The following NBPF9 variants were observed in gnomAD, a reference collection of about 807,000 sequenced individuals.
NBPF9 encodes the protein NBPF family member NBPF9.
Under a neutral mutation model 97.8 loss-of-function variants are expected in NBPF9, and 91 were observed. The observed-to-expected ratio is 0.93, with a 90% confidence interval of 0.79 to 1.11. The LOEUF is 1.11. NBPF9 is among the 50% of genes least tolerant of loss of function. The pLI is 0.00. For synonymous variants in NBPF9, 334 were observed against 359.5 expected (o/e 0.93, Z 0.80); for missense variants, 992 against 939.5 (o/e 1.06, Z -0.73).
rs1418804041 is a variant in NBPF9 at position 149,097,837 on chromosome 1, T to C, written c.-337+601A>G. Among the ~76,000 whole-genome samples, 7 of 152,290 alleles carry C rather than the reference T, an allele frequency of 4.6e-5. No homozygotes were observed. In the East Asian group the frequency reaches 1.4e-3, roughly 29 times the overall value. On this transcript the variant is annotated intron_variant, in intron 4 of 29. Transcript: ENST00000584027. ...TCCTGGGGAACCAAGAATTCCACTG[T>C]GGCCCATAAATTCTAAGTCCCACAG...
At chr1:149,080,807 C>A (rs1330790994) in intron 7 of NBPF9, among the ~76,000 whole-genome samples, 1 of 141,440 alleles carries the variant, frequency 7.1e-6, no homozygotes, top group African/African-American at 2.7e-5. Flanking sequence ...ATAGTGTTTA[C>A]ACTGTGCCAA....
Position 149,071,500 on chromosome 1 carries a change from C to A in NBPF9, c.1379+104G>T, listed in dbSNP as rs587724761. 24 of 1,175,696 alleles carry A rather than the reference C, an allele frequency of 2.0e-5. No individual in the cohort carries two copies. The Middle Eastern group carries it at 1.7e-3, about 82-fold the overall frequency. The allele number at this position is 1,175,696 out of a possible 1,614,324, so 72.8% of individuals were successfully genotyped here. The stretch of plus-strand genomic sequence containing the variant: ...TTCAATTTCACATACTGTGGCCAAG[C>A]GAATGCGGGTTTTTGGCCCATCATA... On this transcript the variant is annotated intron_variant, in intron 15 of 29. Coordinates refer to ENST00000584027, the Ensembl canonical transcript of NBPF9.
rs587630207 is a variant in NBPF9 at position 149,069,299 on chromosome 1, C to A, written c.1637+295G>T. 1.5e-4 allele frequency among the ~76,000 whole-genome samples: 23 copies of A among 151,830 alleles called. No individual in the cohort carries two copies. The East Asian group carries it at 4.5e-3, about 30-fold the overall frequency. On this transcript the variant is annotated intron_variant, in intron 17 of 29. Transcript: ENST00000584027. ...AGCAGAACTAAAGGAGATAGAGACG[C>A]AAAAAACCCTTCAAAAAATCAATGA...
Position 149,077,969 on chromosome 1 carries a change from A to G in NBPF9, c.494-14T>C, listed in dbSNP as rs1219299230. On this transcript the variant is annotated splice_polypyrimidine_tract_variant and intron_variant, in intron 9 of 29. Coordinates refer to ENST00000584027, the Ensembl canonical transcript of NBPF9. Reference sequence around the variant, plus strand: ...CTTCGTCATTTTCTAGAAATACAAAATGTTCATTCAGATATTTCCCACTTC... The same window carrying G: ...CTTCGTCATTTTCTAGAAATACAAAGTGTTCATTCAGATATTTCCCACTTC... 2 of 1,586,386 alleles carry G rather than the reference A, an allele frequency of 1.3e-6. No homozygotes were observed. The highest frequency in any genetic ancestry group is 1.7e-6 in the Non-Finnish European group (2 of 1,158,328).
chr1:149,052,409 TG>T (rs1332693299), downstream of NBPF9, among the ~76,000 whole-genome samples: 1 of 151,130 alleles, frequency 6.6e-6, no homozygotes, highest in African/African-American at 2.4e-5. Flanking sequence ...CCAGGACATT[TG>T]GCCAAACATG....
chr1:149,077,416 C>T lies in NBPF9; in HGVS notation c.570G>A (p.Glu190=). ...CTTTGCTCTCTTCAGCCTTCTGCAC[C>T]TCCCTGATGAGCCAGGTGGGACAGA... Residue 190 remains glutamate (E), a synonymous_variant, in exon 11 of 30, where the codon GAG becomes GAA. Coordinates refer to ENST00000584027, the Ensembl canonical transcript of NBPF9. 4 of 1,609,474 alleles carry T rather than the reference C, an allele frequency of 2.5e-6. No individual in the cohort carries two copies. In the South Asian group the frequency reaches 3.3e-5, roughly 13 times the overall value.
At chr1:149,076,461 T>G (rs1290280464) in intron 11 of NBPF9, among the ~76,000 whole-genome samples, 1 of 150,540 alleles carries the variant, frequency 6.6e-6, no homozygotes, top group Non-Finnish European at 1.5e-5. Flanking sequence ...CCTCCCAAAG[T>G]GTTGGGATTA....
At chr1:149,081,049 C>T (rs587597927) in intron 7 of NBPF9, among the ~76,000 whole-genome samples, 28 of 151,900 alleles carry the variant, frequency 1.8e-4, no homozygotes, top group Non-Finnish European at 3.5e-4. Context: ...GAACAAGAGC[C>T]TGTGCACCAG....
intron 5 of NBPF9, among the ~76,000 whole-genome samples, chr1:149,088,491 G>A (rs1195673645): frequency 1.3e-5 from 2 of 152,156 alleles, no homozygotes; most frequent in Non-Finnish European, 2.9e-5. Context: ...TAATAGAAAA[G>A]CATTCAATCT....
chr1:149,071,204 T>A lies in NBPF9; in HGVS notation c.1380-65A>T, dbSNP rs587686583. ...CACAGAGGGATTGGACCCCAGGGAG[T>A]CCTAGCTGGTTTTGACAGGCGGCAT... is the stretch of plus-strand genomic sequence containing the variant. On this transcript the variant is annotated intron_variant, in intron 15 of 29. Transcript: ENST00000584027. The A allele has an allele frequency of 2.6e-5, 29 of 1,130,132 alleles. No individual in the cohort carries two copies. The South Asian group carries it at 3.2e-4, about 13-fold the overall frequency. The allele number at this position is 1,130,132 out of a possible 1,614,324, so 70.0% of individuals were successfully genotyped here. A position where few individuals can be genotyped will look rare whatever the true frequency, so the allele number is the denominator to read the frequency against.
intron 8 of NBPF9, among the ~76,000 whole-genome samples, chr1:149,079,813 T>C (rs1310111061): frequency 2.7e-5 from 4 of 150,516 alleles, no homozygotes; most frequent in East Asian, 2.0e-4. Flanking sequence ...TTGTGTTATG[T>C]AAATTTCACA....
rs1331492729 is a variant in NBPF9, at chr1:149,075,531, A to T, written c.988+124T>A. ...ACTTTGACAAAATGTTAAAATACCC[A>T]TTTCTGTTTTCCTAGAAGTATGGGG... On this transcript the variant is annotated intron_variant, in intron 12 of 29. Transcript: ENST00000584027. 4.0e-6 allele frequency: 5 copies of T among 1,237,634 alleles called. No homozygotes were observed. The African/African-American group carries it at 7.3e-5, about 18-fold the overall frequency. 76.7% of individuals were successfully genotyped at this position (1,237,634 alleles called of 1,614,324 possible).
chr1:149,101,734 G>C (rs2082156162), intron 2 of NBPF9, among the ~76,000 whole-genome samples: 1 of 151,914 alleles, frequency 6.6e-6, no homozygotes, highest in South Asian at 2.1e-4. Context: ...CAAGGATGTG[G>C]GGTAACCAGA....
chr1:149,072,842 C>A (rs1553653286), exon 14 of NBPF9: 2 of 1,599,682 alleles, frequency 1.3e-6, no homozygotes, highest in African/African-American at 2.7e-5. Context: ...GATGCTCATT[C>A]AATGAGCGGG....
intron 23 of NBPF9, 24 bp from the exon 24 acceptor site, chr1:149,060,719 G>A (rs1356054863): frequency 5.7e-6 from 2 of 352,884 alleles, no homozygotes; most frequent in Non-Finnish European, 9.9e-6. Flanking sequence ...AAAAAGTAAA[G>A]AATAAGCCAG....
intron 21 of NBPF9, 93 bp downstream of exon 21, chr1:149,062,769 A>T: frequency 1.3e-6 from 1 of 773,778 alleles, no homozygotes. Context: ...ACCTCCGTTG[A>T]AAACATGAAA....
At chr1:149,070,320 CAAAAAAAAAA>C (rs3979925) in intron 16 of NBPF9, among the ~76,000 whole-genome samples, 2 of 47,818 alleles carry the variant, frequency 4.2e-5, no homozygotes, top group East Asian at 9.9e-4. Flanking sequence ...GACTCCATCG[CAAAAAAAAAA>C]AAAAAAAAAA....
In NBPF9 at chr1:149,059,274, T is replaced by C. The variant is rs2078443775; in HGVS notation, c.2586-177A>G. On this transcript the variant is annotated intron_variant, in intron 25 of 29. Transcript: ENST00000584027. ...TAGACCAGGGCCAGGTAGAAAAGAA[T>C]GAAAGAGAAAGACAGGGAGAGACAG... is the stretch of plus-strand genomic sequence containing the variant. 13 of 474,232 alleles carry C rather than the reference T, an allele frequency of 2.7e-5. 1 individual carries two copies. In the East Asian group the frequency reaches 3.7e-4, roughly 14 times the overall value. 29.4% of individuals were successfully genotyped at this position (474,232 alleles called of 1,614,324 possible). A position where few individuals can be genotyped will look rare whatever the true frequency, so the allele number is the denominator to read the frequency against.
chr1:149,073,740 C>T (rs1424631185), intron 13 of NBPF9, 28 bp downstream of exon 13: 15 of 1,553,002 alleles, frequency 9.7e-6, no homozygotes, highest in Admixed American at 1.7e-5. Context: ...CACCTGCCCC[C>T]CTGCCTGCCC....
Sources: allele counts gnomAD v4.1 joint callset (sites outside exome capture counted in the v4.1 genomes callset), GRCh38; gene constraint gnomAD v4.1.1; transcripts MANE v1.5; gene names NCBI Gene and HGNC (gene_info 2026-07-23, HGNC 2026-07-21).